SMG1: variants seen among roughly 807,000 people sequenced by gnomAD.
SMG1 encodes serine/threonine-protein kinase SMG1.
In SMG1, 22 loss-of-function variants were observed where a neutral mutation model predicts 419.9. The ratio of observed to expected loss-of-function variants is 0.05; its 90% CI spans 0.04 to 0.07. The LOEUF is 0.07. SMG1 is among the 10% of genes least tolerant of loss of function. The pLI is 1.00. For synonymous variants in SMG1, 1,538 were observed against 1,553.5 expected (o/e 0.99, Z 0.23); for missense variants, 3,185 against 4,342.0 (o/e 0.73, Z 7.49).
chr16:18,816,402 C>T lies in SMG1; in HGVS notation c.10202G>A (p.Cys3401Tyr). ...TEKEQQIETV[C>Y]ETIQNLVDNI... ...ATCAACCAGATTCTGAATTGTTTCA[C>T]AGACCGTTTCTATCTGCTGCTCTTT... Residue 3401 changes from cysteine to tyrosine, a missense_variant, in exon 58 of 63, where the codon TGT becomes TAT. Transcript: ENST00000446231. 6.2e-7 allele frequency: 1 copy of T among 1,613,906 alleles called. No individual in the cohort carries two copies. The highest frequency in any genetic ancestry group is 8.5e-7 in the Non-Finnish European group (1 of 1,179,846).
chr16:18,913,998 C>T (rs2037881030), intron 1 of SMG1, among the ~76,000 whole-genome samples: 1 of 151,940 alleles, frequency 6.6e-6, no homozygotes, highest in Non-Finnish European at 1.5e-5. Flanking sequence ...GAAACCCTGT[C>T]TCTACTAAAA....
chr16:18,854,634 A>G (rs540428965), intron 30 of SMG1, 22 bp downstream of exon 30: 19 of 1,599,222 alleles, frequency 1.2e-5, no homozygotes, highest in Non-Finnish European at 1.5e-5. Flanking sequence ...CTCATGTATT[A>G]ACCATAATTA....
chr16:18,881,948 G>A (rs1442408687), intron 10 of SMG1, among the ~76,000 whole-genome samples: 1 of 151,992 alleles, frequency 6.6e-6, no homozygotes, highest in Non-Finnish European at 1.5e-5. Flanking sequence ...GTCATGGGAG[G>A]GTAGGGGAGT....
chr16:18,838,265 G>T (rs1309540231), intron 44 of SMG1, 33 bp from the exon 45 acceptor site: 2 of 1,609,058 alleles, frequency 1.2e-6, no homozygotes, highest in Non-Finnish European at 1.7e-6. Context: ...AATAAGGTCT[G>T]CCACAAGTTT....
Position 18,872,538 on chromosome 16 carries a change from G to A in SMG1, c.1977C>T (p.Ala659=), listed in dbSNP as rs1323132684. 4 of 1,538,110 alleles carry A rather than the reference G, an allele frequency of 2.6e-6. No individual in the cohort carries two copies. In the African/African-American group the frequency reaches 5.5e-5, roughly 21 times the overall value. The change falls in exon 14 of 63, where the codon GCC becomes GCT. Residue 659 remains alanine (A), a synonymous_variant. Transcript: ENST00000446231. ...ATGTGTAGAGCACAGCATACTGAAT[G>A]GCAGGGAAGTGAACAGCCAGGTCAC... ...VHSDLAVHFP[A]IQYAVLYTLY...
At chr16:18,912,626 T>C (rs953167142) in intron 1 of SMG1, among the ~76,000 whole-genome samples, 2 of 152,142 alleles carry the variant, frequency 1.3e-5, no homozygotes, top group African/African-American at 4.8e-5. Flanking sequence ...AGGTATCTTT[T>C]ACAAAATTTT....
At chr16:18,901,405 T>G (rs2037341653) in intron 1 of SMG1, among the ~76,000 whole-genome samples, 1 of 151,970 alleles carries the variant, frequency 6.6e-6, no homozygotes, top group Non-Finnish European at 1.5e-5. Context: ...TAGAGACAGG[T>G]GTCTGATTAT....
Position 18,807,836 on chromosome 16 carries a change from T to C in SMG1, c.*1733A>G, listed in dbSNP as rs2030984449. 6.6e-6 allele frequency: 1 copy of C among 152,186 alleles called. No individual in the cohort carries two copies. The highest frequency in any genetic ancestry group is 1.5e-5 in the Non-Finnish European group (1 of 68,030). 9.4% of individuals were successfully genotyped at this position (152,186 alleles called of 1,614,324 possible). On this transcript the variant is annotated 3_prime_UTR_variant, in exon 63 of 63. Coordinates refer to ENST00000446231, the MANE Select transcript of SMG1 (RefSeq NM_015092.5). ...GTGCAGTGGCACAATCTCGGCTCAC[T>C]GCAAGCTCCGCCTCCTGGGTTCACG... is the stretch of plus-strand genomic sequence containing the variant.
intron 51 of SMG1, among the ~76,000 whole-genome samples, chr16:18,830,732 C>G (rs2033118497): frequency 6.6e-6 from 1 of 151,910 alleles, no homozygotes; most frequent in South Asian, 2.1e-4. Context: ...CGGAGGTTGC[C>G]TAGGAGGCCA....
chr16:18,874,550 T>G (rs1596568035), intron 13 of SMG1, among the ~76,000 whole-genome samples: 1 of 127,332 alleles, frequency 7.9e-6, no homozygotes, highest in Admixed American at 8.8e-5. Flanking sequence ...CAGGGCCATG[T>G]CGAATTACTT....
At chr16:18,903,601 A>G (rs923513077) in intron 1 of SMG1, among the ~76,000 whole-genome samples, 3 of 152,212 alleles carry the variant, frequency 2.0e-5, no homozygotes, top group African/African-American at 4.8e-5. Flanking sequence ...TGGGCAACTG[A>G]TCCAAGCAGT....
At chr16:18,883,854 G>T (rs1357195136) in intron 9 of SMG1, among the ~76,000 whole-genome samples, 1 of 151,334 alleles carries the variant, frequency 6.6e-6, no homozygotes. Context: ...AGGAGGTGGA[G>T]GTTGCAGTGA....
intron 1 of SMG1, among the ~76,000 whole-genome samples, chr16:18,919,648 G>A (rs1039146126): frequency 1.0e-5 from 1 of 96,772 alleles, no homozygotes; most frequent in Non-Finnish European, 2.0e-5. Flanking sequence ...GTGTGTGTGT[G>A]TGTATATATA....
At chr16:18,907,868 A>AAAAT (rs1555505977) in intron 1 of SMG1, among the ~76,000 whole-genome samples, 1 of 142,704 alleles carries the variant, frequency 7.0e-6, no homozygotes, top group Non-Finnish European at 1.5e-5. Context: ...AAAAAAAAAA[A>AAAAT]AGAGACCCTA....
Position 18,832,938 on chromosome 16 carries a change from G to A in SMG1, c.8792+2C>T, listed in dbSNP as rs1166610494. On this transcript the variant is annotated splice_donor_variant, in intron 51 of 62. Transcript: ENST00000446231. LOFTEE classifies it low-confidence loss of function (GC_TO_GT_DONOR). ...GAAACGGCACAGCCAGCATTCACTT[G>A]CCTGGCAACATCGATGTAATGAGCA... 1 of 1,611,350 alleles carries A rather than the reference G, an allele frequency of 6.2e-7. No individual in the cohort carries two copies. Among genetic ancestry groups the A allele is most frequent in the Non-Finnish European group, 8.5e-7 (1 of 1,177,672 alleles).
rs2034360812 is a variant in SMG1, at chr16:18,847,919, T to A, written c.5738A>T (p.Asp1913Val). 6.2e-7 allele frequency: 1 copy of A among 1,614,028 alleles called. No individual in the cohort carries two copies. Among genetic ancestry groups the A allele is most frequent in the East Asian group, 2.2e-5 (1 of 44,876 alleles). ...TTCATTTAATCCACTTTTAGGTTCA[T>A]CCTTATTGCTATCCTGAGATGCAGG... ...SPPASQDSNK[D>V]EPKSGLNEDQ... The change falls in exon 37 of 63, where the codon GAT becomes GTT. Residue 1913 changes from aspartate (D) to valine (V), a missense_variant. Around this residue, in one of 27 missense-constraint regions of SMG1, gnomAD observed 130 missense variants for 162.0 expected, o/e 0.80. Transcript: ENST00000446231.
At chr16:18,885,906 G>A (rs1489783849) in intron 6 of SMG1, among the ~76,000 whole-genome samples, 3 of 151,830 alleles carry the variant, frequency 2.0e-5, no homozygotes, top group Non-Finnish European at 4.4e-5. Flanking sequence ...AGATTGCACT[G>A]CTGCACTCCA....
At chr16:18,810,253 T>C (rs1008513382) in intron 62 of SMG1, among the ~76,000 whole-genome samples, 1 of 152,230 alleles carries the variant, frequency 6.6e-6, no homozygotes. Context: ...TGTCTCTTGA[T>C]GTAAAATACT....
At chr16:18,848,175 G>T in intron 36 of SMG1, 142 bp from the exon 37 acceptor site, 3 of 669,798 alleles carry the variant, frequency 4.5e-6, no homozygotes, top group East Asian at 2.7e-5. Flanking sequence ...ACTGATTAAA[G>T]ATTGTGGATA....
Sources: allele counts gnomAD v4.1 joint callset (sites outside exome capture counted in the v4.1 genomes callset), GRCh38; gene constraint gnomAD v4.1.1; regional missense constraint gnomAD v4.1.1; transcripts MANE v1.5; gene names NCBI Gene and HGNC (gene_info 2026-07-23, HGNC 2026-07-21).